The following IL1RAPL2 variants were observed in gnomAD, a reference collection of about 807,000 sequenced individuals.
IL1RAPL2 encodes interleukin 1 receptor accessory protein like 2, also known as X-linked interleukin-1 receptor accessory protein-like 2.
IL1RAPL2 carries 3 observed loss-of-function variants against 44.1 expected under a neutral mutation model. The observed-to-expected ratio is 0.07, with a 90% confidence interval of 0.03 to 0.18. The LOEUF is 0.18. Ranked by LOEUF, IL1RAPL2 falls within the 10% of genes least tolerant of loss-of-function variation. The pLI is 1.00. For synonymous variants in IL1RAPL2, 181 were observed against 178.8 expected (o/e 1.01, Z -0.10); for missense variants, 391 against 496.4 (o/e 0.79, Z 2.02).
chrX:104,772,457 T>C (rs1226757602), intron 2 of IL1RAPL2, among the ~76,000 whole-genome samples: 1 of 112,305 alleles, frequency 8.9e-6, no homozygotes, highest in Non-Finnish European at 1.9e-5. Context: ...TGGAAATTTA[T>C]TTGGCTCAGA....
intron 2 of IL1RAPL2, among the ~76,000 whole-genome samples, chrX:104,992,504 A>G (rs368114778): frequency 4.5e-5 from 5 of 111,231 alleles, no homozygotes; most frequent in African/African-American, 1.6e-4. Flanking sequence ...ATAGCCATAG[A>G]TTATTGCTGC....
intron 6 of IL1RAPL2, among the ~76,000 whole-genome samples, chrX:105,612,653 C>T (rs2037345033): frequency 8.9e-6 from 1 of 112,283 alleles, no homozygotes; most frequent in African/African-American, 3.2e-5. Flanking sequence ...ACCCCTCCCC[C>T]ATCCCCTGAC....
intron 2 of IL1RAPL2, among the ~76,000 whole-genome samples, chrX:104,923,049 A>G (rs912341153): frequency 1.8e-5 from 2 of 111,549 alleles, no homozygotes; most frequent in Non-Finnish European, 3.8e-5. Context: ...AACCAAGCAG[A>G]AGAAAGAATT....
At chrX:105,523,136 A>T (rs969804259) in intron 6 of IL1RAPL2, among the ~76,000 whole-genome samples, 3 of 111,508 alleles carry the variant, frequency 2.7e-5, no homozygotes, top group African/African-American at 9.8e-5. Flanking sequence ...TCCCCAACCT[A>T]CCACTTAAAA....
chrX:105,374,945 C>CAAAAA (rs149097097), intron 5 of IL1RAPL2, among the ~76,000 whole-genome samples: 1 of 29,093 alleles, frequency 3.4e-5, no homozygotes, highest in Non-Finnish European at 8.2e-5. Context: ...GACTCCATCT[C>CAAAAA]AAAAAAAAAA....
chrX:104,713,690 T>G (rs1167254647), intron 2 of IL1RAPL2, among the ~76,000 whole-genome samples: 3 of 110,870 alleles, frequency 2.7e-5, no homozygotes, highest in Non-Finnish European at 5.7e-5. Context: ...TAATCAACAC[T>G]CACATTTCAG....
At position 104,891,354 on chromosome X, in the gene IL1RAPL2, A is replaced by G. The variant is rs554628388; in HGVS notation, c.82+232359A>G. Among the ~76,000 whole-genome samples the G allele has an allele frequency of 4.2e-4, 47 of 111,976 alleles. 1 individual carries two copies. Among genetic ancestry groups the G allele is most frequent in the Middle Eastern group, 4.6e-3 (1 of 217 alleles). On this transcript the variant is annotated intron_variant, in intron 2 of 10. Transcript: ENST00000372582. ...TGTGAAGAAAGTCATTGGTAGTTTG[A>G]TGGGGATCGCATTGAATCTATAAAT...
At chrX:104,877,098 A>G (rs1008926026) in intron 2 of IL1RAPL2, among the ~76,000 whole-genome samples, 4 of 110,721 alleles carry the variant, frequency 3.6e-5, no homozygotes, top group Non-Finnish European at 7.6e-5. Flanking sequence ...CATGGTGTAT[A>G]TGTGCCACAT....
intron 6 of IL1RAPL2, among the ~76,000 whole-genome samples, chrX:105,512,563 G>A (rs376648108): frequency 1.6e-3 from 179 of 110,906 alleles, no homozygotes; most frequent in Non-Finnish European, 3.0e-3. Context: ...AAATTAAATC[G>A]CATTTTGTTA....
At chrX:105,604,681 C>T (rs1387371353) in intron 6 of IL1RAPL2, among the ~76,000 whole-genome samples, 1 of 110,877 alleles carries the variant, frequency 9.0e-6, no homozygotes, top group Non-Finnish European at 1.9e-5. Context: ...CAAAACCAGA[C>T]AAGGACGCAT....
intron 6 of IL1RAPL2, among the ~76,000 whole-genome samples, chrX:105,640,673 TATATATATATATATATATAC>T (rs1281678193): frequency 1.1e-5 from 1 of 92,844 alleles, no homozygotes; most frequent in African/African-American, 3.8e-5. Context: ...TATATATATA[TATATATATATATATATATAC>T]ACACACATAT....
chrX:104,817,607 G>T (rs1462127938), intron 2 of IL1RAPL2, among the ~76,000 whole-genome samples: 3 of 111,672 alleles, frequency 2.7e-5, no homozygotes, highest in African/African-American at 9.8e-5. Context: ...CAGTGGATGG[G>T]CTCTGGAGCT....
At chrX:105,636,240 C>T (rs2037522194) in intron 6 of IL1RAPL2, among the ~76,000 whole-genome samples, 1 of 110,864 alleles carries the variant, frequency 9.0e-6, no homozygotes, top group Non-Finnish European at 1.9e-5. Context: ...ACCTTTTCTC[C>T]TCTCCCTGAT....
At chrX:104,631,704 A>G (rs1929653887) in intron 1 of IL1RAPL2, among the ~76,000 whole-genome samples, 1 of 110,999 alleles carries the variant, frequency 9.0e-6, no homozygotes, top group Non-Finnish European at 1.9e-5. Context: ...TTTTCTTGTA[A>G]ATTTGTTTGA....
chrX:105,307,193 A>G (rs1037879934), intron 5 of IL1RAPL2, among the ~76,000 whole-genome samples: 3 of 106,898 alleles, frequency 2.8e-5, no homozygotes, highest in African/African-American at 1.0e-4. Flanking sequence ...GAGGATTACA[A>G]TTGTCAATGA....
chrX:104,860,482 C>T (rs900976490), intron 2 of IL1RAPL2, among the ~76,000 whole-genome samples: 4 of 111,386 alleles, frequency 3.6e-5, no homozygotes, highest in Non-Finnish European at 5.7e-5. Flanking sequence ...CAGTACACAC[C>T]AAAGATGTAT....
At chrX:104,843,519 C>T (rs889351771) in intron 2 of IL1RAPL2, among the ~76,000 whole-genome samples, 6 of 111,124 alleles carry the variant, frequency 5.4e-5, no homozygotes, top group Non-Finnish European at 5.7e-5. Flanking sequence ...TGCTTGAAAC[C>T]CAGGGCCCTG....
intron 2 of IL1RAPL2, among the ~76,000 whole-genome samples, chrX:104,779,476 A>G (rs1932758730): frequency 8.9e-6 from 1 of 112,317 alleles, no homozygotes; most frequent in African/African-American, 3.2e-5. Flanking sequence ...GAAACATAGC[A>G]TTCTACCACT....
chrX:105,361,761 T>A (rs1377875912), intron 5 of IL1RAPL2, among the ~76,000 whole-genome samples: 6 of 111,774 alleles, frequency 5.4e-5, no homozygotes, highest in African/African-American at 1.9e-4. Context: ...GTACTAACTT[T>A]CATAAAGATT....
Sources: allele counts gnomAD v4.1 joint callset (sites outside exome capture counted in the v4.1 genomes callset), GRCh38; gene constraint gnomAD v4.1.1; transcripts MANE v1.5; gene names NCBI Gene and HGNC (gene_info 2026-07-23, HGNC 2026-07-21).